MRTFA: variants seen among roughly 807,000 people sequenced by gnomAD.
The protein encoded by MRTFA is myocardin related transcription factor A, also known as myocardin-related transcription factor A.
MRTFA carries 20 observed loss-of-function variants against 83.5 expected under a neutral mutation model. The ratio of observed to expected loss-of-function variants is 0.24; its 90% confidence interval spans 0.17 to 0.35. The LOEUF is 0.35. MRTFA is among the 10% of genes least tolerant of loss of function. The pLI is 1.00. For missense variants in MRTFA, 1,200 were observed against 1,224.7 expected (o/e 0.98, Z 0.30); for synonymous variants, 659 against 541.2 (o/e 1.22, Z -3.02).
intron 4 of MRTFA, chr22:40,436,156 G>A (rs1182883594): frequency 6.5e-6 from 1 of 154,560 alleles, no homozygotes; most frequent in East Asian, 1.9e-4. Flanking sequence ...CAAACACCCT[G>A]GCCCATGACT....
rs987563995 is a variant in MRTFA at position 40,623,595 on chromosome 22, C to T, written c.-84+12883G>A. On this transcript the variant is annotated intron_variant, in intron 1 of 14. Transcript: ENST00000355630. ...TTCACGCCTGGCACTATTCTGGATG[C>T]TGAGAATAGGGCAGAGAAAAGACAG... 3.3e-5 allele frequency among the ~76,000 whole-genome samples: 5 copies of T among 152,170 alleles called. No individual in the cohort carries two copies. The South Asian group carries it at 1.0e-3, about 32-fold the overall frequency.
chr22:40,455,978 C>T (rs1322134338), intron 4 of MRTFA, among the ~76,000 whole-genome samples: 1 of 152,072 alleles, frequency 6.6e-6, no homozygotes, highest in African/African-American at 2.4e-5. Flanking sequence ...ACCACCACGC[C>T]TGGTTAATTT....
At chr22:40,530,855 A>G (rs1338438127) in intron 3 of MRTFA, among the ~76,000 whole-genome samples, 1 of 152,352 alleles carries the variant, frequency 6.6e-6, no homozygotes, top group East Asian at 1.9e-4. Context: ...TTCTTAATAT[A>G]AGAACAGATC....
At chr22:40,448,245 G>A (rs1229531895) in intron 4 of MRTFA, among the ~76,000 whole-genome samples, 1 of 152,228 alleles carries the variant, frequency 6.6e-6, no homozygotes, top group Non-Finnish European at 1.5e-5. Flanking sequence ...GGGTAGCGGA[G>A]GTTGCAGCGA....
chr22:40,425,978 T>G (rs1008109349), intron 7 of MRTFA, among the ~76,000 whole-genome samples: 2 of 152,118 alleles, frequency 1.3e-5, no homozygotes, highest in Non-Finnish European at 2.9e-5. Context: ...TGGAGCCCAG[T>G]GAATGCTCTG....
intron 2 of MRTFA, among the ~76,000 whole-genome samples, chr22:40,588,599 G>A (rs767261546): frequency 6.6e-6 from 1 of 152,162 alleles, no homozygotes; most frequent in Non-Finnish European, 1.5e-5. Flanking sequence ...TAGATTGCCA[G>A]TTAATGAACT....
intron 1 of MRTFA, among the ~76,000 whole-genome samples, chr22:40,608,749 T>C (rs932222314): frequency 2.0e-5 from 3 of 152,224 alleles, no homozygotes; most frequent in Non-Finnish European, 1.5e-5. Flanking sequence ...GTGATGAAGA[T>C]GGACAAGGTC....
intron 7 of MRTFA, 63 bp from the exon 8 acceptor site, chr22:40,424,444 G>A: frequency 1.3e-6 from 2 of 1,552,948 alleles, no homozygotes; most frequent in South Asian, 1.2e-5. Context: ...GCAGGGACAG[G>A]CCTGGCTCGC....
intron 3 of MRTFA, among the ~76,000 whole-genome samples, chr22:40,526,945 A>G (rs967855646): frequency 7.9e-5 from 12 of 152,016 alleles, no homozygotes; most frequent in Non-Finnish European, 1.8e-4. Context: ...ACAAAAAATA[A>G]AAAACTTATT....
chr22:40,488,409 T>A (rs2054208526), intron 3 of MRTFA, among the ~76,000 whole-genome samples: 1 of 152,162 alleles, frequency 6.6e-6, no homozygotes, highest in African/African-American at 2.4e-5. Context: ...TTAAATTTAA[T>A]TAAAATCAAA....
chr22:40,529,822 T>C (rs1278181242), intron 3 of MRTFA, among the ~76,000 whole-genome samples: 1 of 152,178 alleles, frequency 6.6e-6, no homozygotes, highest in African/African-American at 2.4e-5. Flanking sequence ...TGGAGTACTC[T>C]AATAATCATA....
chr22:40,473,355 C>G (rs1320699221), intron 3 of MRTFA, among the ~76,000 whole-genome samples: 3 of 152,218 alleles, frequency 2.0e-5, no homozygotes, highest in South Asian at 4.1e-4. Context: ...GAGATGAGGT[C>G]TCACTGTTGC....
At chr22:40,571,149 G>T (rs1268318687) in intron 2 of MRTFA, among the ~76,000 whole-genome samples, 2 of 151,272 alleles carry the variant, frequency 1.3e-5, no homozygotes, top group East Asian at 3.9e-4. Flanking sequence ...GGTCAAGGTT[G>T]CAGTAAGCCT....
At position 40,625,449 on chromosome 22, in the gene MRTFA, CTAAATAAATAAA is replaced by C. The variant is rs60700777; in HGVS notation, c.-84+11017_-84+11028del. On this transcript the variant is annotated intron_variant, in intron 1 of 14. Transcript: ENST00000355630. ...CAGGCAACATAGCAAGGCCCTCTCT[CTAAATAAATAAA>C]TAAATAAATAAATAAATAAATAAAT... 9.6e-3 allele frequency among the ~76,000 whole-genome samples: 1,327 copies of C among 137,556 alleles called. 11 individuals are homozygous for C. Among genetic ancestry groups the C allele is most frequent in the African/African-American group, 0.015 (550 of 37,050 alleles). The allele number at this position is 137,556 out of a possible 152,430, so 90.2% of individuals were successfully genotyped here. A position where few individuals can be genotyped will look rare whatever the true frequency, so the allele number is the denominator to read the frequency against.
chr22:40,505,561 C>G (rs1035463193), intron 3 of MRTFA, among the ~76,000 whole-genome samples: 2 of 152,150 alleles, frequency 1.3e-5, no homozygotes, highest in Non-Finnish European at 2.9e-5. Flanking sequence ...GAATATGTCC[C>G]CTCCAAAATT....
In MRTFA at chr22:40,418,727, G is replaced by GGGGGGT. The variant is rs1569251064; in HGVS notation, c.2010_2011insACCCCC (p.Pro670_Leu671insThrPro). ...TTCTCCTGCTTCACGGGGGTGCCGA[G>GGGGGGT]GGGGGCGGGGGCGGGGGCGGGCTGC... On this transcript the variant is annotated inframe_insertion, in exon 12 of 15. Coordinates refer to ENST00000355630, the MANE Select transcript of MRTFA (RefSeq NM_020831.6). 2 of 1,471,276 alleles carry GGGGGGT rather than the reference G, an allele frequency of 1.4e-6. No homozygotes were observed. The highest frequency in any genetic ancestry group is 1.3e-5 in the South Asian group (1 of 74,348). 91.1% of individuals were successfully genotyped at this position (1,471,276 alleles called of 1,614,324 possible).
At chr22:40,456,201 T>C (rs911091962) in intron 4 of MRTFA, among the ~76,000 whole-genome samples, 6 of 152,062 alleles carry the variant, frequency 3.9e-5, no homozygotes, top group Non-Finnish European at 8.8e-5. Flanking sequence ...GGTTTATCTT[T>C]CCAGGGGCTA....
At position 40,456,048 on chromosome 22, in the gene MRTFA, GC is replaced by G. The variant is rs2053581753; in HGVS notation, c.307+7172del. Among the ~76,000 whole-genome samples, 8 of 151,972 alleles carry G rather than the reference GC, an allele frequency of 5.3e-5. 1 individual carries two copies. In the Middle Eastern group the frequency reaches 0.014, roughly 258 times the overall value. ...CGCCATGGTAACCAGGCTGGCCTCG[GC>G]CTCCCAAAGTGCTGGGATTACAGGC... On this transcript the variant is annotated intron_variant, in intron 4 of 14. Transcript: ENST00000355630.
chr22:40,420,624 C>T, intron 10 of MRTFA, 48 bp from the exon 11 acceptor site: 1 of 1,596,622 alleles, frequency 6.3e-7, no homozygotes, highest in Non-Finnish European at 8.5e-7. Context: ...CGCCCGTGGC[C>T]TCTGCAGGTG....
Sources: gnomAD v4.1 joint callset for allele counts (sites outside exome capture counted in the v4.1 genomes callset) on GRCh38, gnomAD v4.1.1 for gene constraint, MANE v1.5 for transcripts, NCBI Gene and HGNC (gene_info 2026-07-23, HGNC 2026-07-21) for gene names.